PTPN13: variants seen among roughly 807,000 people sequenced by gnomAD.
PTPN13 encodes the protein tyrosine-protein phosphatase non-receptor type 13.
Under a neutral mutation model 284.0 loss-of-function variants are expected in PTPN13, and 191 were observed. The ratio of observed to expected loss-of-function variants is 0.67; its 90% confidence interval spans 0.60 to 0.76. The LOEUF (loss-of-function observed/expected upper bound fraction) is 0.76, where lower values mean the gene tolerates loss of function less well. PTPN13 is among the 30% of genes least tolerant of loss of function. PTPN13 has a pLI of 0.00. For missense variants in PTPN13, 2,797 were observed against 2,939.9 expected (o/e 0.95, Z 1.12); for synonymous variants, 986 against 1,022.3 (o/e 0.96, Z 0.68).
chr4:86,753,189 A>T, intron 20 of PTPN13, 124 bp downstream of exon 20: 2 of 594,612 alleles, frequency 3.4e-6, no homozygotes, highest in South Asian at 8.1e-5. Context: ...CATTGAAGTT[A>T]AAGGAGAGTT....
In PTPN13 at chr4:86,716,892, CATT is replaced by C. The variant is rs375043362; in HGVS notation, c.1292-129_1292-127del. 1.2e-4 allele frequency: 79 copies of C among 656,942 alleles called. No homozygotes were observed. In the East Asian group the frequency reaches 1.8e-3, roughly 15 times the overall value. 40.7% of individuals were successfully genotyped at this position (656,942 alleles called of 1,614,324 possible). A position where few individuals can be genotyped will look rare whatever the true frequency, so the allele number is the denominator to read the frequency against. On this transcript the variant is annotated intron_variant, in intron 8 of 47. Transcript: ENST00000411767. ...GATTTACCTCAAAAGAGTTTAATAA[CATT>C]ATGTCATTAATTTTGTTCTGTGGAT...
At chr4:86,718,512 G>T (rs1055234292) in intron 9 of PTPN13, among the ~76,000 whole-genome samples, 1 of 149,614 alleles carries the variant, frequency 6.7e-6, no homozygotes, top group South Asian at 2.1e-4. Flanking sequence ...ATGCAGTGGC[G>T]CTATCTCAGC....
At chr4:86,613,214 G>GA (rs146910008) in intron 1 of PTPN13, among the ~76,000 whole-genome samples, 35 of 152,336 alleles carry the variant, frequency 2.3e-4, no homozygotes, top group Non-Finnish European at 4.9e-4. Context: ...CTTCAGGGCT[G>GA]ATCATGTGGG....
intron 1 of PTPN13, among the ~76,000 whole-genome samples, chr4:86,601,077 C>G (rs1234979572): frequency 6.6e-6 from 1 of 151,980 alleles, no homozygotes; most frequent in African/African-American, 2.4e-5. Flanking sequence ...AAGGAATGAG[C>G]TTAAAGCAAT....
At chr4:86,664,479 G>A (rs1186360108) in intron 2 of PTPN13, among the ~76,000 whole-genome samples, 1 of 152,116 alleles carries the variant, frequency 6.6e-6, no homozygotes, top group Non-Finnish European at 1.5e-5. Flanking sequence ...TTAAAAGGTT[G>A]TGGACCTGTG....
chr4:86,654,375 A>G lies in PTPN13; in HGVS notation c.116-17990A>G, dbSNP rs552119813. Among the ~76,000 whole-genome samples the G allele has an allele frequency of 2.0e-4, 30 of 152,252 alleles. No individual in the cohort carries two copies. The South Asian group carries it at 2.1e-3, about 11-fold the overall frequency. On this transcript the variant is annotated intron_variant, in intron 2 of 47. Transcript: ENST00000411767. ...TGATCCCACAGAAATACAGACTACC[A>G]TCAGAGAGTACTATAAATTTCCCTC...
intron 1 of PTPN13, among the ~76,000 whole-genome samples, chr4:86,633,709 T>C (rs1722714703): frequency 6.6e-6 from 1 of 152,222 alleles, no homozygotes; most frequent in South Asian, 2.1e-4. Flanking sequence ...GCTAATATTA[T>C]CTGATCCCTC....
intron 6 of PTPN13, among the ~76,000 whole-genome samples, chr4:86,700,163 A>C (rs908584722): frequency 2.0e-5 from 3 of 152,210 alleles, no homozygotes; most frequent in Non-Finnish European, 4.4e-5. Flanking sequence ...TCAGGGAATT[A>C]AAGCTTATAG....
intron 5 of PTPN13, chr4:86,689,901 G>C: frequency 1.7e-6 from 1 of 577,044 alleles, no homozygotes; most frequent in Non-Finnish European, 3.1e-6. Flanking sequence ...TGTAGTCCTG[G>C]AGTGTTGGTC....
chr4:86,703,649 T>C (rs1176628732), intron 7 of PTPN13, among the ~76,000 whole-genome samples: 1 of 151,702 alleles, frequency 6.6e-6, no homozygotes, highest in Non-Finnish European at 1.5e-5. Context: ...GGAGAATTGC[T>C]TGAAGTCAGA....
rs541281540 is a variant in PTPN13, at chr4:86,778,425, C to T, written c.5892-1977C>T. On this transcript the variant is annotated intron_variant, in intron 35 of 47. Coordinates refer to ENST00000411767, the MANE Select transcript of PTPN13 (RefSeq NM_080683.3). Reference sequence around the variant, plus strand: ...TGTCAGTTCCACGTCTTCCAAGTCCCGTAAAAATGATGTATGTGACGCACC... The same window carrying T: ...TGTCAGTTCCACGTCTTCCAAGTCCTGTAAAAATGATGTATGTGACGCACC... Among the ~76,000 whole-genome samples the T allele has an allele frequency of 3.3e-5, 5 of 152,284 alleles. No homozygotes were observed. In the East Asian group the frequency reaches 9.7e-4, roughly 29 times the overall value.
At position 86,811,107 on chromosome 4, in the gene PTPN13, A is replaced by G; in HGVS notation, c.7361A>G (p.Glu2454Gly). 1 of 1,612,340 alleles carries G rather than the reference A, an allele frequency of 6.2e-7. No homozygotes were observed. Among genetic ancestry groups the G allele is most frequent in the Non-Finnish European group, 8.5e-7 (1 of 1,178,774 alleles). Residue 2454 changes from glutamate (E) to glycine (G), a missense_variant and splice_region_variant, in exon 47 of 48, where the codon GAG becomes GGG. Transcript: ENST00000411767. Reference sequence around the variant, plus strand: ...CAAAGACACGGAATGGTTCAGACAGAGGTGAGTCATGGCTGGGCCTCCTAA... The same window carrying G: ...CAAAGACACGGAATGGTTCAGACAGGGGTGAGTCATGGCTGGGCCTCCTAA... ...RLQRHGMVQTEDQYIFCYQVI... is the reference protein window; with the variant it reads ...RLQRHGMVQTGDQYIFCYQVI...
chr4:86,633,598 C>T (rs1722699952), intron 1 of PTPN13, among the ~76,000 whole-genome samples: 1 of 152,188 alleles, frequency 6.6e-6, no homozygotes. Flanking sequence ...TCTTTATACC[C>T]TGAGTATATG....
intron 40 of PTPN13, among the ~76,000 whole-genome samples, chr4:86,791,580 C>G (rs1458417301): frequency 6.6e-6 from 1 of 152,226 alleles, no homozygotes; most frequent in African/African-American, 2.4e-5. Context: ...TGTAGCCTGA[C>G]TGGGAGACAT....
chr4:86,621,589 C>G (rs1408144526), intron 1 of PTPN13, among the ~76,000 whole-genome samples: 1 of 152,120 alleles, frequency 6.6e-6, no homozygotes, highest in Non-Finnish European at 1.5e-5. Context: ...ATTTATCCCA[C>G]TTAGTGTAAA....
At chr4:86,614,443 A>T (rs1406038748) in intron 1 of PTPN13, among the ~76,000 whole-genome samples, 4 of 152,182 alleles carry the variant, frequency 2.6e-5, no homozygotes, top group African/African-American at 9.7e-5. Context: ...TTTACTATAA[A>T]AAATTTAATC....
intron 32 of PTPN13, among the ~76,000 whole-genome samples, chr4:86,773,510 A>G: frequency 6.6e-6 from 1 of 152,172 alleles, no homozygotes; most frequent in Non-Finnish European, 1.5e-5. Flanking sequence ...AGATTTAGAA[A>G]CAAAATTTCC....
chr4:86,774,068 TTG>T (rs1357985854), intron 32 of PTPN13, among the ~76,000 whole-genome samples: 1 of 152,156 alleles, frequency 6.6e-6, no homozygotes, highest in Non-Finnish European at 1.5e-5. Flanking sequence ...ATAACCACTA[TTG>T]TGTCCTTATT....
In PTPN13 at chr4:86,772,823, T is replaced by C; in HGVS notation, c.5214T>C (p.Tyr1738=). Residue 1738 remains tyrosine (Y), a synonymous_variant, in exon 32 of 48, where the codon TAT becomes TAC. Transcript: ENST00000411767. ...CGGATATGGCTCCTGGGCAGAGTTA[T>C]CAACCCCAATCAGAATCTGCTTCCT... is the stretch of plus-strand genomic sequence containing the variant. ...LPPDMAPGQS[Y]QPQSESASSS... is the part of the protein sequence containing the mutation. 2 of 1,613,348 alleles carry C rather than the reference T, an allele frequency of 1.2e-6. No homozygotes were observed. Among genetic ancestry groups the C allele is most frequent in the Non-Finnish European group, 1.7e-6 (2 of 1,179,558 alleles).
Sources: allele counts gnomAD v4.1 joint callset (sites outside exome capture counted in the v4.1 genomes callset), GRCh38; gene constraint gnomAD v4.1.1; transcripts MANE v1.5; gene names NCBI Gene and HGNC (gene_info 2026-07-23, HGNC 2026-07-21).